Variants in SEC11A observed in about 807,000 individuals in gnomAD.
SEC11A encodes SEC11 homolog A, signal peptidase complex subunit.
A neutral mutation model predicts 25.6 loss-of-function variants in SEC11A; 14 were observed. The observed-to-expected ratio is 0.55, with a 90% confidence interval of 0.36 to 0.85. SEC11A has a LOEUF of 0.85. SEC11A is among the 40% of genes least tolerant of loss of function. The probability of loss-of-function intolerance (pLI) is 0.01; values close to 1 mark genes in which losing one functional copy is unlikely to be tolerated. For synonymous variants in SEC11A, 83 were observed against 76.4 expected, an observed-to-expected ratio of 1.09 and a Z score of -0.45; for missense variants, 153 against 222.9, an observed-to-expected ratio of 0.69 and a Z score of 2.00.
At chr15:84,712,075 T>C (rs948129404) in intron 1 of SEC11A, among the ~76,000 whole-genome samples, 2 of 151,944 alleles carry the variant, frequency 1.3e-5, no homozygotes, top group Admixed American at 1.3e-4. Context: ...ACTCCATCTC[T>C]ACAAAAAATA....
chr15:84,710,237 T>C (rs1401018368), intron 1 of SEC11A, among the ~76,000 whole-genome samples: 2 of 152,226 alleles, frequency 1.3e-5, no homozygotes, highest in African/African-American at 4.8e-5. Flanking sequence ...AAGTAGTCCA[T>C]GTTTGTTGAA....
At chr15:84,714,480 T>C (rs1447264340) in intron 1 of SEC11A, among the ~76,000 whole-genome samples, 1 of 152,228 alleles carries the variant, frequency 6.6e-6, no homozygotes, top group South Asian at 2.1e-4. Flanking sequence ...ATGCAACTAA[T>C]GTCAGTGAAG....
chr15:84,701,321 T>C (rs1897934819), intron 1 of SEC11A, among the ~76,000 whole-genome samples: 1 of 151,696 alleles, frequency 6.6e-6, no homozygotes, highest in Admixed American at 6.6e-5. Flanking sequence ...ACAATAATAA[T>C]AATAATTTTT....
At chr15:84,694,918 C>T (rs1897717239) in intron 1 of SEC11A, among the ~76,000 whole-genome samples, 1 of 151,320 alleles carries the variant, frequency 6.6e-6, no homozygotes, top group South Asian at 2.1e-4. Context: ...GGTGAAACCC[C>T]ATCTCTACTA....
intron 1 of SEC11A, among the ~76,000 whole-genome samples, chr15:84,705,858 A>C (rs1334066802): frequency 6.6e-6 from 1 of 151,840 alleles, no homozygotes; most frequent in Admixed American, 6.6e-5. Context: ...CCATCAAAAA[A>C]AAAATTATGC....
At chr15:84,676,861 G>C (rs1203419980) in intron 4 of SEC11A, among the ~76,000 whole-genome samples, 2 of 151,840 alleles carry the variant, frequency 1.3e-5, no homozygotes, top group South Asian at 4.2e-4. Flanking sequence ...GGAGGCCAAG[G>C]TGGAGGACTG....
At chr15:84,692,207 T>C (rs1309464902) in intron 1 of SEC11A, 1 of 152,064 alleles carries the variant, frequency 6.6e-6, no homozygotes, top group Non-Finnish European at 1.5e-5. Flanking sequence ...TTTTTTTGAA[T>C]TTTTAGTAGA....
intron 4 of SEC11A, among the ~76,000 whole-genome samples, chr15:84,675,815 T>G (rs1432924189): frequency 6.6e-6 from 1 of 152,236 alleles, no homozygotes; most frequent in Admixed American, 6.5e-5. Context: ...AGTATTAGTT[T>G]CATTTTCTAA....
At chr15:84,712,449 C>CTTTTTTT (rs150374364) in intron 1 of SEC11A, among the ~76,000 whole-genome samples, 1 of 130,254 alleles carries the variant, frequency 7.7e-6, no homozygotes, top group African/African-American at 3.0e-5. Context: ...TCTTTTTTTT[C>CTTTTTTT]TTTTTTTTTT....
chr15:84,711,781 CA>C (rs60088964), intron 1 of SEC11A, among the ~76,000 whole-genome samples: 2,202 of 92,916 alleles, frequency 0.024, 35 homozygotes, highest in African/African-American at 0.071. Flanking sequence ...GACTCTATCT[CA>C]AAAAAAAAAA....
At chr15:84,714,678 G>A (rs1213401923) in intron 1 of SEC11A, 1 of 152,144 alleles carries the variant, frequency 6.6e-6, no homozygotes, top group African/African-American at 2.4e-5. Flanking sequence ...ATACTGTATT[G>A]CTTCTCACAA....
chr15:84,685,637 G>C (rs1311008684), intron 3 of SEC11A, among the ~76,000 whole-genome samples: 2 of 151,892 alleles, frequency 1.3e-5, no homozygotes, highest in African/African-American at 4.8e-5. Context: ...GCTTAAACAA[G>C]GCCTGAGCTT....
At chr15:84,694,353 A>T (rs185153412) in intron 1 of SEC11A, among the ~76,000 whole-genome samples, 1,453 of 145,064 alleles carry the variant, frequency 0.01, 23 homozygotes, top group African/African-American at 0.035. Flanking sequence ...AGACTCTCTC[A>T]AAAAAAAAAA....
intron 1 of SEC11A, among the ~76,000 whole-genome samples, chr15:84,696,530 T>C (rs968983125): frequency 3.3e-5 from 5 of 151,938 alleles, no homozygotes; most frequent in Admixed American, 3.3e-4. Context: ...GAGGAAGGGG[T>C]TGTAGGATTC....
At chr15:84,695,007 T>C (rs571332618) in intron 1 of SEC11A, among the ~76,000 whole-genome samples, 2 of 144,114 alleles carry the variant, frequency 1.4e-5, no homozygotes, top group African/African-American at 5.2e-5. Flanking sequence ...GGAGAATTGC[T>C]TGAACCCGGG....
chr15:84,675,607 A>G (rs1012898184), intron 4 of SEC11A, among the ~76,000 whole-genome samples: 1 of 152,204 alleles, frequency 6.6e-6, no homozygotes, highest in African/African-American at 2.4e-5. Context: ...GTTAACAGAG[A>G]GCTCAATTAC....
chr15:84,691,174 A>C (rs1897595449), intron 2 of SEC11A, among the ~76,000 whole-genome samples: 1 of 148,872 alleles, frequency 6.7e-6, no homozygotes, highest in Non-Finnish European at 1.5e-5. Context: ...TCTAGGGCTT[A>C]GGTGATCCTC....
chr15:84,681,112 G>T (rs1297421846), intron 3 of SEC11A, among the ~76,000 whole-genome samples: 1 of 152,094 alleles, frequency 6.6e-6, no homozygotes, highest in Non-Finnish European at 1.5e-5. Context: ...TTTATTAAGT[G>T]AAGAAAAGAA....
rs1375290924 is a variant in SEC11A, at chr15:84,680,043, G to C, written c.431+670C>G. ...CAATTTCAAGACTAGAAATATTATG[G>C]ATTAAATTAACATGATAAAACTAAT... On this transcript the variant is annotated intron_variant, in intron 4 of 5. Transcript: ENST00000268220. 17 of 973,554 alleles carry C rather than the reference G, an allele frequency of 1.7e-5. No homozygotes were observed. In the East Asian group the frequency reaches 3.9e-4, roughly 23 times the overall value. The allele number at this position is 973,554 out of a possible 1,614,324, so 60.3% of individuals were successfully genotyped here.
Sources: allele counts gnomAD v4.1 joint callset (sites outside exome capture counted in the v4.1 genomes callset), GRCh38; gene constraint gnomAD v4.1.1; transcripts MANE v1.5; gene names NCBI Gene and HGNC (gene_info 2026-07-23, HGNC 2026-07-21).